USH2A: variants seen among roughly 807,000 people sequenced by gnomAD.
USH2A encodes the protein Usher syndrome 2A (autosomal recessive, mild).
A neutral mutation model predicts 538.9 loss-of-function variants in USH2A; 443 were observed. That is an observed-to-expected ratio of 0.82 (90% confidence interval 0.76 to 0.89). USH2A has a LOEUF of 0.89. USH2A is among the 40% of genes least tolerant of loss of function. USH2A has a pLI of 0.00. For synonymous variants in USH2A, 2,413 were observed against 2,273.5 expected (o/e 1.06, Z -1.75); for missense variants, 6,633 against 6,324.8 (o/e 1.05, Z -1.65).
At chr1:216,132,100 C>T (rs1215273615) in intron 21 of USH2A, among the ~76,000 whole-genome samples, 3 of 152,068 alleles carry the variant, frequency 2.0e-5, no homozygotes, top group Non-Finnish European at 2.9e-5. Flanking sequence ...ATTCCTTTTA[C>T]TATGATATAA....
Position 215,728,498 on chromosome 1 carries a change from T to C in USH2A, c.11712-114A>G. The C allele has an allele frequency of 8.6e-6, 9 of 1,044,618 alleles. No homozygotes were observed. The South Asian group carries it at 1.1e-4, about 13-fold the overall frequency. The allele number at this position is 1,044,618 out of a possible 1,614,324, so 64.7% of individuals were successfully genotyped here. On this transcript the variant is annotated intron_variant, in intron 60 of 71. Transcript: ENST00000307340. The stretch of plus-strand genomic sequence containing the variant: ...TGTTATCAACTTAACTTTTCAGCTG[T>C]TTCTTCCTGGTGTCATAGTAAAGAA...
chr1:215,938,056 C>T (rs1396989479), intron 37 of USH2A, among the ~76,000 whole-genome samples: 3 of 151,900 alleles, frequency 2.0e-5, no homozygotes, highest in Admixed American at 6.6e-5. Context: ...TTAGTTGTAA[C>T]ATTAAGTTCT....
intron 11 of USH2A, among the ~76,000 whole-genome samples, chr1:216,286,200 T>TTG (rs2036880684): frequency 6.6e-6 from 1 of 152,168 alleles, no homozygotes; most frequent in Admixed American, 6.5e-5. Flanking sequence ...TCCCCATGTG[T>TTG]TGTGGGAGGA....
intron 44 of USH2A, among the ~76,000 whole-genome samples, chr1:215,848,482 GATGAGCAAAGATCAC>G (rs1415155567): frequency 2.3e-4 from 35 of 152,280 alleles, no homozygotes; most frequent in South Asian, 6.2e-4. Context: ...ACAAGTTCAA[GATGAGCAAAGATCAC>G]ATGTCAATGT....
chr1:216,224,681 TG>T (rs1412806667), intron 14 of USH2A, among the ~76,000 whole-genome samples: 1 of 152,058 alleles, frequency 6.6e-6, no homozygotes, highest in Non-Finnish European at 1.5e-5. Context: ...ATTTTGCCCT[TG>T]GGAATACAAA....
At chr1:215,638,854 T>C (rs537542641) in intron 69 of USH2A, among the ~76,000 whole-genome samples, 30 of 151,442 alleles carry the variant, frequency 2.0e-4, no homozygotes, top group Non-Finnish European at 3.7e-4. Context: ...GGCCCGTGCC[T>C]GTAATCCCAG....
chr1:215,766,578 C>A (rs1334747140), intron 56 of USH2A, 103 bp downstream of exon 56: 1 of 1,114,574 alleles, frequency 9.0e-7, no homozygotes. Flanking sequence ...TACCTATCAA[C>A]TTTATTGCCT....
chr1:215,808,620 T>A (rs1558107968), intron 49 of USH2A, among the ~76,000 whole-genome samples: 1 of 152,060 alleles, frequency 6.6e-6, no homozygotes, highest in South Asian at 2.1e-4. Flanking sequence ...AATTGTCAAC[T>A]TTTTTCTCCA....
chr1:215,688,532 G>T (rs1225123000), intron 61 of USH2A, among the ~76,000 whole-genome samples: 1 of 152,104 alleles, frequency 6.6e-6, no homozygotes, highest in Non-Finnish European at 1.5e-5. Flanking sequence ...CATGGACTGA[G>T]TTGCTTTAAA....
At chr1:215,971,809 G>C (rs1187031444) in intron 35 of USH2A, among the ~76,000 whole-genome samples, 1 of 152,078 alleles carries the variant, frequency 6.6e-6, no homozygotes, top group Non-Finnish European at 1.5e-5. Flanking sequence ...GGGTTAGTGG[G>C]TATTAATTTA....
intron 49 of USH2A, among the ~76,000 whole-genome samples, chr1:215,804,374 C>T (rs1242425693): frequency 2.0e-5 from 3 of 151,968 alleles, no homozygotes; most frequent in Non-Finnish European, 4.4e-5. Context: ...AAAACTTTTG[C>T]AATCTACTCA....
intron 47 of USH2A, among the ~76,000 whole-genome samples, chr1:215,824,080 G>T (rs534346457): frequency 3.9e-5 from 6 of 152,086 alleles, no homozygotes; most frequent in Admixed American, 2.0e-4. Flanking sequence ...CCTGTTTAAA[G>T]AAGTTGTATG....
chr1:216,303,211 G>T (rs1236745560), intron 9 of USH2A, among the ~76,000 whole-genome samples: 1 of 151,904 alleles, frequency 6.6e-6, no homozygotes, highest in Non-Finnish European at 1.5e-5. Flanking sequence ...GTAGATAGTG[G>T]ACAAGATAAA....
intron 41 of USH2A, 142 bp from the exon 42 acceptor site, chr1:215,879,240 C>A (rs1171518994): frequency 1.4e-6 from 1 of 728,784 alleles, no homozygotes; most frequent in Non-Finnish European, 2.4e-6. Flanking sequence ...TTGGACTAGA[C>A]AGTAATGAAG....
At chr1:216,057,657 A>G (rs1449883417) in intron 30 of USH2A, among the ~76,000 whole-genome samples, 1 of 152,190 alleles carries the variant, frequency 6.6e-6, no homozygotes, top group East Asian at 1.9e-4. Context: ...AATGCACTCC[A>G]GCCTCGGCAA....
chr1:216,224,904 T>TGTTTTAA (rs1427455327), intron 14 of USH2A, among the ~76,000 whole-genome samples: 1 of 152,182 alleles, frequency 6.6e-6, no homozygotes, highest in Admixed American at 6.5e-5. Context: ...TGAAAATTAA[T>TGTTTTAA]GTTTTAATTT....
intron 20 of USH2A, among the ~76,000 whole-genome samples, chr1:216,177,267 G>A (rs181476228): frequency 6.6e-6 from 1 of 152,148 alleles, no homozygotes; most frequent in Non-Finnish European, 1.5e-5. Context: ...TAATGGGTGT[G>A]TAGTGGTATC....
chr1:215,887,990 C>T (rs1213787476), intron 41 of USH2A, among the ~76,000 whole-genome samples: 7 of 152,166 alleles, frequency 4.6e-5, no homozygotes, highest in African/African-American at 9.7e-5. Flanking sequence ...CTGGATAGCC[C>T]GTTAATATGC....
chr1:215,812,903 A>G (rs1226631372), intron 49 of USH2A, among the ~76,000 whole-genome samples: 2 of 152,186 alleles, frequency 1.3e-5, no homozygotes, highest in Admixed American at 1.3e-4. Context: ...GGAGAGACAT[A>G]CTTATATTCA....
Sources: gnomAD v4.1 joint callset for allele counts (sites outside exome capture counted in the v4.1 genomes callset) on GRCh38, gnomAD v4.1.1 for gene constraint, MANE v1.5 for transcripts, NCBI Gene and HGNC (gene_info 2026-07-23, HGNC 2026-07-21) for gene names.